The following ACOXL variants were observed in gnomAD, a reference collection of about 807,000 sequenced individuals.
ACOXL encodes acyl-coenzyme A oxidase-like protein.
ACOXL carries 70 observed loss-of-function variants against 71.9 expected under a neutral mutation model. The ratio of observed to expected loss-of-function variants is 0.97; its 90% CI spans 0.80 to 1.19. ACOXL has a LOEUF of 1.19. Ranked by LOEUF, ACOXL falls within the 50% of genes most tolerant of loss-of-function variation. The pLI is 0.00. For missense variants in ACOXL, 703 were observed against 736.3 expected (o/e 0.95, Z 0.52); for synonymous variants, 253 against 281.6 (o/e 0.90, Z 1.02).
At chr2:110,742,701 T>A (rs1363847898) in intron 1 of ACOXL, among the ~76,000 whole-genome samples, 2 of 152,188 alleles carry the variant, frequency 1.3e-5, no homozygotes, top group Non-Finnish European at 2.9e-5. Flanking sequence ...CTCTCAATAG[T>A]AATAGCATCC....
chr2:110,863,137 A>T (rs1015537203), intron 10 of ACOXL, among the ~76,000 whole-genome samples: 3 of 152,270 alleles, frequency 2.0e-5, no homozygotes, highest in Admixed American at 1.3e-4. Flanking sequence ...AAAACATTTC[A>T]TGCAACAAAG....
chr2:110,820,275 A>G (rs1171862714), intron 9 of ACOXL, among the ~76,000 whole-genome samples: 2 of 152,184 alleles, frequency 1.3e-5, no homozygotes, highest in African/African-American at 2.4e-5. Context: ...CAGATGGGAA[A>G]GAGGAAGTGA....
chr2:111,033,435 A>C (rs549771366), intron 15 of ACOXL, among the ~76,000 whole-genome samples: 1 of 152,316 alleles, frequency 6.6e-6, no homozygotes, highest in South Asian at 2.1e-4. Context: ...TTCTACGAGC[A>C]TATCTTCAGA....
chr2:110,874,763 A>G (rs531313471), intron 10 of ACOXL, among the ~76,000 whole-genome samples: 5 of 152,214 alleles, frequency 3.3e-5, no homozygotes, highest in African/African-American at 1.2e-4. Context: ...GTGTTTTAGA[A>G]TGATTGGGTT....
chr2:111,028,122 A>C (rs1193634345), intron 14 of ACOXL, among the ~76,000 whole-genome samples: 1 of 151,974 alleles, frequency 6.6e-6, no homozygotes, highest in Non-Finnish European at 1.5e-5. Context: ...CCAGGAGGTC[A>C]AGGCTGCAGT....
intron 10 of ACOXL, among the ~76,000 whole-genome samples, chr2:110,873,711 T>G (rs983582507): frequency 4.0e-5 from 6 of 151,784 alleles, no homozygotes; most frequent in South Asian, 4.2e-4. Flanking sequence ...TGGGAGAGGG[T>G]AAAAGGGCCC....
At chr2:110,756,207 A>C (rs1230318778) in intron 1 of ACOXL, among the ~76,000 whole-genome samples, 1 of 151,818 alleles carries the variant, frequency 6.6e-6, no homozygotes, top group Non-Finnish European at 1.5e-5. Context: ...GCTCACTGCA[A>C]CCTCCGCCTC....
chr2:110,794,999 A>G (rs1685117134), intron 5 of ACOXL, among the ~76,000 whole-genome samples: 3 of 147,030 alleles, frequency 2.0e-5, no homozygotes. Context: ...ACTCTCCTTT[A>G]TAGTTGCTTG....
intron 12 of ACOXL, among the ~76,000 whole-genome samples, chr2:110,942,104 A>G (rs1447764277): frequency 6.6e-6 from 1 of 152,248 alleles, no homozygotes; most frequent in African/African-American, 2.4e-5. Context: ...ATTTGCTATT[A>G]TTTGAAAGTA....
At chr2:110,951,010 A>T (rs2061314642) in intron 12 of ACOXL, among the ~76,000 whole-genome samples, 1 of 152,034 alleles carries the variant, frequency 6.6e-6, no homozygotes, top group Non-Finnish European at 1.5e-5. Flanking sequence ...AATTTATAGC[A>T]TCTCTTTTCC....
At chr2:110,754,212 A>G (rs947616306) in intron 1 of ACOXL, among the ~76,000 whole-genome samples, 8 of 151,766 alleles carry the variant, frequency 5.3e-5, no homozygotes, top group African/African-American at 1.9e-4. Context: ...AGCTAGGACT[A>G]CAGACATGCA....
At chr2:110,890,725 T>G (rs890496508) in intron 10 of ACOXL, among the ~76,000 whole-genome samples, 1 of 152,196 alleles carries the variant, frequency 6.6e-6, no homozygotes, top group Non-Finnish European at 1.5e-5. Flanking sequence ...GTGTATCAAG[T>G]TTTCCAATTG....
chr2:110,885,051 G>A (rs757320014), intron 10 of ACOXL, among the ~76,000 whole-genome samples: 14 of 152,204 alleles, frequency 9.2e-5, no homozygotes, highest in Non-Finnish European at 1.8e-4. Context: ...TATGTGTGTG[G>A]TAGGATAGGA....
intron 10 of ACOXL, among the ~76,000 whole-genome samples, chr2:110,903,138 A>C (rs1026488686): frequency 6.6e-6 from 1 of 152,244 alleles, no homozygotes; most frequent in African/African-American, 2.4e-5. Flanking sequence ...ACTGGTTGCA[A>C]TGGTACTGCA....
intron 12 of ACOXL, among the ~76,000 whole-genome samples, chr2:110,984,824 G>A (rs1296715952): frequency 6.6e-6 from 1 of 152,210 alleles, no homozygotes; most frequent in Admixed American, 6.5e-5. Context: ...ATTTACTCAA[G>A]GGTGAGTCCT....
At chr2:110,852,845 C>T (rs796971279) in intron 10 of ACOXL, among the ~76,000 whole-genome samples, 1 of 152,332 alleles carries the variant, frequency 6.6e-6, no homozygotes, top group African/African-American at 2.4e-5. Flanking sequence ...CTGCCATTCC[C>T]TGGTCTTTCA....
chr2:111,011,216 A>G (rs2064136238), intron 14 of ACOXL, among the ~76,000 whole-genome samples: 1 of 152,216 alleles, frequency 6.6e-6, no homozygotes, highest in Admixed American at 6.5e-5. Flanking sequence ...TATATGAAGT[A>G]GTATCATATT....
intron 2 of ACOXL, 49 bp downstream of exon 2, chr2:110,768,513 T>TGTGTGA: frequency 1.1e-6 from 1 of 928,508 alleles, no homozygotes; most frequent in Non-Finnish European, 1.6e-6. Context: ...TGTGTGTGTG[T>TGTGTGA]GAGAGAGAGA....
intron 2 of ACOXL, among the ~76,000 whole-genome samples, chr2:110,774,857 G>A (rs1029736670): frequency 7.9e-5 from 12 of 152,196 alleles, no homozygotes; most frequent in African/African-American, 1.7e-4. Flanking sequence ...ACTCTGAATA[G>A]CCAAAGCAAT....
Sources: allele counts gnomAD v4.1 joint callset (sites outside exome capture counted in the v4.1 genomes callset), GRCh38; gene constraint gnomAD v4.1.1; transcripts MANE v1.5; gene names NCBI Gene and HGNC (gene_info 2026-07-23, HGNC 2026-07-21).